Variants in NAP1L1 observed in about 807,000 individuals in gnomAD.
NAP1L1 encodes nucleosome assembly protein 1-like 1.
In NAP1L1, 9 loss-of-function variants were observed where a neutral mutation model predicts 58.9. The ratio of observed to expected loss-of-function variants is 0.15; its 90% confidence interval spans 0.09 to 0.27. The LOEUF (loss-of-function observed/expected upper bound fraction) is 0.27. Ranked by LOEUF, NAP1L1 falls within the 10% of genes least tolerant of loss-of-function variation. NAP1L1 has a pLI of 1.00. For synonymous variants in NAP1L1, 130 were observed against 138.3 expected (o/e 0.94, Z 0.42); for missense variants, 302 against 458.8 (o/e 0.66, Z 3.12).
intron 11 of NAP1L1, 125 bp from the exon 12 acceptor site, chr12:76,050,778 C>T (rs989850635): frequency 2.0e-6 from 2 of 979,072 alleles, no homozygotes; most frequent in Admixed American, 6.5e-5. Context: ...CTTCAGGAGG[C>T]CAAAGTAGGA....
At chr12:76,052,193 C>G (rs1402079785) in intron 11 of NAP1L1, among the ~76,000 whole-genome samples, 1 of 152,006 alleles carries the variant, frequency 6.6e-6, no homozygotes, top group African/African-American at 2.4e-5. Context: ...ATTCAAACCA[C>G]AGGTGGAGGT....
intron 1 of NAP1L1, among the ~76,000 whole-genome samples, chr12:76,079,038 T>C (rs1448334817): frequency 6.6e-6 from 1 of 151,800 alleles, no homozygotes; most frequent in Non-Finnish European, 1.5e-5. Flanking sequence ...TCCGGATACA[T>C]CAGTAAAAAG....
intron 11 of NAP1L1, among the ~76,000 whole-genome samples, chr12:76,051,869 G>T (rs1948847817): frequency 6.6e-6 from 1 of 151,918 alleles, no homozygotes. Context: ...ACAAAAATTA[G>T]CGAGTTCAAT....
intron 4 of NAP1L1, among the ~76,000 whole-genome samples, chr12:76,064,390 G>A (rs1949564651): frequency 6.6e-6 from 1 of 151,880 alleles, no homozygotes; most frequent in African/African-American, 2.4e-5. Flanking sequence ...AATACAATAA[G>A]CTTGAGCTAT....
rs938117564 is a variant in NAP1L1 at position 76,042,553 on chromosome 12, T to A, written c.*5876A>T. On this transcript the variant is annotated 3_prime_UTR_variant, in exon 15 of 15. Coordinates refer to ENST00000618691, the MANE Select transcript of NAP1L1 (RefSeq NM_004537.7). ...GGATTCTTATTCCTATAGAGCAACC[T>A]CATCTACTTTCCTAGTTGGATCAAC... The A allele has an allele frequency of 1.3e-5, 2 of 152,370 alleles. No individual in the cohort carries two copies. The highest frequency in any genetic ancestry group is 4.8e-5 in the African/African-American group (2 of 41,590). 9.4% of individuals were successfully genotyped at this position (152,370 alleles called of 1,614,324 possible). A position where few individuals can be genotyped will look rare whatever the true frequency, so the allele number is the denominator to read the frequency against.
At chr12:76,072,841 G>A (rs903158320) in intron 2 of NAP1L1, among the ~76,000 whole-genome samples, 4 of 152,094 alleles carry the variant, frequency 2.6e-5, no homozygotes, top group African/African-American at 9.7e-5. Context: ...CCGGCATAAA[G>A]GTAGAATAGT....
intron 6 of NAP1L1, chr12:76,058,078 A>ATC (rs1949206437): frequency 3.9e-6 from 3 of 762,276 alleles, no homozygotes; most frequent in Non-Finnish European, 7.3e-6. Context: ...CAGGAAAAAC[A>ATC]GACAGAAGTA....
chr12:76,084,302 AC>A (rs1182534143), intron 1 of NAP1L1, among the ~76,000 whole-genome samples: 2 of 151,874 alleles, frequency 1.3e-5, no homozygotes, highest in African/African-American at 4.8e-5. Flanking sequence ...AGCTCAGAGA[AC>A]CTTAGGCCTC....
chr12:76,072,101 C>A (rs1424957134), intron 2 of NAP1L1, among the ~76,000 whole-genome samples: 2 of 150,726 alleles, frequency 1.3e-5, no homozygotes, highest in African/African-American at 2.4e-5. Flanking sequence ...TTAAACATGT[C>A]TGAAGTGTCC....
chr12:76,070,970 G>C (rs1021867331), intron 2 of NAP1L1, among the ~76,000 whole-genome samples: 3 of 152,170 alleles, frequency 2.0e-5, no homozygotes, highest in Non-Finnish European at 4.4e-5. Flanking sequence ...AGGAGTTCAA[G>C]ACCAGCCTGA....
intron 7 of NAP1L1, among the ~76,000 whole-genome samples, chr12:76,055,399 C>T (rs1949034542): frequency 6.6e-6 from 1 of 152,146 alleles, no homozygotes; most frequent in African/African-American, 2.4e-5. Context: ...GTAATTGCTG[C>T]CTTTTCCAGC....
Position 76,053,292 on chromosome 12 carries a change from G to C in NAP1L1, c.829C>G (p.Gln277Glu). The change falls in exon 10 of 15, where the codon CAG (glutamine) becomes GAG (glutamate). Residue 277 changes from glutamine (Q) to glutamate (E), a missense_variant. Transcript: ENST00000618691. The stretch of plus-strand genomic sequence containing the variant: ...ACTGTCCCACGTCCCTTGTGTTTCT[G>C]CTTCTTCTTAATAGTTTTCAAAGTG... Reference protein sequence around the residue: ...NVTLKTIKKKQKHKGRGTVRT... With the variant: ...NVTLKTIKKKEKHKGRGTVRT... 1 of 1,613,912 alleles carries C rather than the reference G, an allele frequency of 6.2e-7. No homozygotes were observed. The highest frequency in any genetic ancestry group is 8.5e-7 in the Non-Finnish European group (1 of 1,179,914).
chr12:76,067,645 AATGTTCAGGAAT>A, intron 3 of NAP1L1, 172 bp from the exon 4 acceptor site: 1 of 495,276 alleles, frequency 2.0e-6, no homozygotes, highest in South Asian at 3.3e-5. Flanking sequence ...AGGAAAACCC[AATGTTCAGGAAT>A]AATTCAGATT....
intron 6 of NAP1L1, chr12:76,057,032 G>C (rs990796897): frequency 5.2e-6 from 1 of 193,984 alleles, no homozygotes; most frequent in Non-Finnish European, 1.1e-5. Context: ...GTGGCTCAGT[G>C]GTTCAAGCCC....
At chr12:76,063,880 T>TAAA (rs1565731990) in intron 4 of NAP1L1, among the ~76,000 whole-genome samples, 2,888 of 56,060 alleles carry the variant, frequency 0.052, 84 homozygotes, top group African/African-American at 0.14. Context: ...GGTTAAAAGT[T>TAAA]TAAAAAAAAA....
intron 1 of NAP1L1, among the ~76,000 whole-genome samples, chr12:76,075,840 C>G (rs775494187): frequency 6.6e-6 from 1 of 152,002 alleles, no homozygotes; most frequent in African/African-American, 2.4e-5. Flanking sequence ...TGGAGAGCAA[C>G]CTGACAATAG....
chr12:76,057,832 G>A, intron 6 of NAP1L1: 2 of 1,532,652 alleles, frequency 1.3e-6, no homozygotes, highest in East Asian at 2.4e-5. Flanking sequence ...ACAGAAGAGA[G>A]GTGGAAGGGG....
chr12:76,048,773 A>G (rs992527304), intron 14 of NAP1L1, among the ~76,000 whole-genome samples: 4 of 152,152 alleles, frequency 2.6e-5, no homozygotes, highest in Admixed American at 2.0e-4. Context: ...TAATCCTAAT[A>G]TAACAAATTC....
intron 1 of NAP1L1, among the ~76,000 whole-genome samples, chr12:76,077,337 G>A (rs1950217954): frequency 6.6e-6 from 1 of 152,184 alleles, no homozygotes; most frequent in Admixed American, 6.5e-5. Flanking sequence ...TTTCTAGTCA[G>A]TTGTAGTCAG....
Sources: gnomAD v4.1 joint callset for allele counts (sites outside exome capture counted in the v4.1 genomes callset) on GRCh38, gnomAD v4.1.1 for gene constraint, MANE v1.5 for transcripts, NCBI Gene and HGNC (gene_info 2026-07-23, HGNC 2026-07-21) for gene names.